FOXM1: variants seen among roughly 807,000 people sequenced by gnomAD.
FOXM1 encodes the protein forkhead box M1.
A neutral mutation model predicts 63.6 loss-of-function variants in FOXM1; 25 were observed. The observed-to-expected ratio is 0.39, with a 90% CI of 0.29 to 0.55. The LOEUF (loss-of-function observed/expected upper bound fraction) is 0.55, where lower values mean the gene tolerates loss of function less well. Among genes scored for constraint, FOXM1 ranks in the 20% least tolerant of loss-of-function variants. The pLI, the probability that FOXM1 is intolerant of heterozygous loss-of-function variation, is 0.60. For missense variants in FOXM1, 879 were observed against 958.7 expected, an observed-to-expected ratio of 0.92 and a Z score of 1.10; for synonymous variants, 387 against 376.9, an observed-to-expected ratio of 1.03 and a Z score of -0.31.
intron 8 of FOXM1, among the ~76,000 whole-genome samples, chr12:2,860,964 C>T (rs2098111358): frequency 1.3e-5 from 2 of 151,300 alleles, no homozygotes; most frequent in African/African-American, 2.4e-5. Context: ...GTCAGGAGTT[C>T]GTGACCAGCC....
intron 8 of FOXM1, among the ~76,000 whole-genome samples, chr12:2,860,325 A>AT (rs869156799): frequency 6.6e-6 from 1 of 151,696 alleles, no homozygotes; most frequent in Non-Finnish European, 1.5e-5. Context: ...CTACAAAAAA[A>AT]TTTTTTTTAA....
intron 3 of FOXM1, among the ~76,000 whole-genome samples, chr12:2,870,912 C>T (rs116528697): frequency 0.017 from 2,352 of 138,492 alleles, 55 homozygotes; most frequent in African/African-American, 0.06. Flanking sequence ...GAGCTGAAAT[C>T]GCAGCACTGC....
intron 8 of FOXM1, chr12:2,861,150 A>G (rs2098111847): frequency 4.7e-5 from 23 of 484,572 alleles, no homozygotes; most frequent in South Asian, 4.4e-4. Flanking sequence ...CCTGGGTGAC[A>G]GAGCAAGACT....
At position 2,859,682 on chromosome 12, in the gene FOXM1, T is replaced by G. The variant is rs1161692233; in HGVS notation, c.1267-19A>C. Reference sequence around the variant, plus strand: ...GCAGCACCTGAAAGGGAAACAGAGATAAGGTGAACCAACGGTCACCAGACA... The same window carrying G: ...GCAGCACCTGAAAGGGAAACAGAGAGAAGGTGAACCAACGGTCACCAGACA... On this transcript the variant is annotated intron_variant, in intron 8 of 8. Coordinates refer to ENST00000359843, the MANE Select transcript of FOXM1 (RefSeq NM_021953.4). 3 of 1,581,342 alleles carry G rather than the reference T, an allele frequency of 1.9e-6. No individual in the cohort carries two copies. Among genetic ancestry groups the G allele is most frequent in the Middle Eastern group, 3.6e-4 (2 of 5,578 alleles).
rs548540419 is a variant in FOXM1 at position 2,858,618 on chromosome 12, A to T, written c.*20T>A. On this transcript the variant is annotated 3_prime_UTR_variant, in exon 9 of 9. Transcript: ENST00000359843. ...GCCCGGGATGGTGGACAGCTTGAGCACAGGGGCAAGGGCAGGGCTCTACTG... is the reference window on the plus strand; with the variant it reads ...GCCCGGGATGGTGGACAGCTTGAGCTCAGGGGCAAGGGCAGGGCTCTACTG... 3.1e-6 allele frequency: 5 copies of T among 1,604,466 alleles called. No individual in the cohort carries two copies. In the African/African-American group the frequency reaches 6.7e-5, roughly 21 times the overall value.
Position 2,859,079 on chromosome 12 carries a change from G to A in FOXM1, c.1851C>T (p.Leu617=). The A allele has an allele frequency of 6.2e-7, 1 of 1,608,090 alleles. No homozygotes were observed. Among genetic ancestry groups the A allele is most frequent in the Non-Finnish European group, 8.5e-7 (1 of 1,177,584 alleles). ...GCCTCCAGGATTCAGGGGTTCTGGG[G>A]AGGACAGATTTGCTCGGGGTGGAGG... is the stretch of plus-strand genomic sequence containing the variant. ...PISSTPSKSV[L]PRTPESWRLT... is the part of the protein sequence containing the mutation. Residue 617 remains leucine, a synonymous_variant, in exon 9 of 9, where the codon CTC becomes CTT. Transcript: ENST00000359843.
At position 2,865,460 on chromosome 12, in the gene FOXM1, T is replaced by A. The variant is rs1220153952; in HGVS notation, c.976-61A>T. On this transcript the variant is annotated intron_variant, in intron 5 of 8. Coordinates refer to ENST00000359843, the MANE Select transcript of FOXM1 (RefSeq NM_021953.4). ...ATGAAGTTACCACCAACGTGGTCAA[T>A]TTGACCGGATTGGGAAAAACACTTA... 5 of 1,397,286 alleles carry A rather than the reference T, an allele frequency of 3.6e-6. No individual in the cohort carries two copies. In the African/African-American group the frequency reaches 4.3e-5, roughly 12 times the overall value. 86.6% of individuals were successfully genotyped at this position (1,397,286 alleles called of 1,614,324 possible).
chr12:2,858,820 A>C lies in FOXM1; in HGVS notation c.2110T>G (p.Ser704Ala), dbSNP rs781663757. 2 of 1,614,106 alleles carry C rather than the reference A, an allele frequency of 1.2e-6. No individual in the cohort carries two copies. Among genetic ancestry groups the C allele is most frequent in the Non-Finnish European group, 1.7e-6 (2 of 1,180,018 alleles). ...AGGCCAGAAACCTGTGGCTCCGGGG[A>C]GCCTGGCTTGGGGACGTCTATATCT... ...PSDIDVPKPG[S>A]PEPQVSGLAA... The change falls in exon 9 of 9, where the codon TCC (serine) becomes GCC (alanine). Residue 704 changes from serine to alanine, a missense_variant. Physicochemically the swap from Ser to Ala is moderately conservative, Grantham distance 99. Around this residue, in one of 4 missense-constraint regions of FOXM1, gnomAD observed 486 missense variants for 453.5 expected, o/e 1.07. Transcript: ENST00000359843.
In FOXM1 at chr12:2,857,820, C is replaced by A. The variant is rs1447775771; in HGVS notation, c.*818G>T. 2.0e-5 allele frequency: 3 copies of A among 152,360 alleles called. No individual in the cohort carries two copies. The highest frequency in any genetic ancestry group is 7.2e-5 in the African/African-American group (3 of 41,444). 9.4% of individuals were successfully genotyped at this position (152,360 alleles called of 1,614,324 possible). A position where few individuals can be genotyped will look rare whatever the true frequency, so the allele number is the denominator to read the frequency against. On this transcript the variant is annotated 3_prime_UTR_variant, in exon 9 of 9. Transcript: ENST00000359843. ...CCAGGCAGGTCAGGGGCCCTTTCGG[C>A]CTTCTCAAGCCTCCACCTGAGTTCT...
At chr12:2,873,154 T>C (rs1050242276) in intron 2 of FOXM1, among the ~76,000 whole-genome samples, 15 of 150,666 alleles carry the variant, frequency 1.0e-4, no homozygotes, top group African/African-American at 2.7e-4. Flanking sequence ...TCCCAGCACT[T>C]TGGGAGGCCG....
chr12:2,859,208 C>T lies in FOXM1; in HGVS notation c.1722G>A (p.Glu574=). ...CAGAGGAGTCTGCTGGGAACGGGAG[C>T]TCTGCGGCCCAGCGGGAAGTACTGG... The part of the protein sequence containing the change: ...EGPSTSRWAA[E]LPFPADSSDP... The change falls in exon 9 of 9, where the codon GAG becomes GAA. Residue 574 remains glutamate, a synonymous_variant. Transcript: ENST00000359843. 1.9e-6 allele frequency: 3 copies of T among 1,612,118 alleles called. No homozygotes were observed. Among genetic ancestry groups the T allele is most frequent in the Non-Finnish European group, 2.5e-6 (3 of 1,178,932 alleles).
At chr12:2,875,015 C>CA (rs1434439786) in intron 1 of FOXM1, among the ~76,000 whole-genome samples, 1 of 123,338 alleles carries the variant, frequency 8.1e-6, no homozygotes, top group African/African-American at 3.2e-5. Context: ...TTTTTTGAGA[C>CA]AGAGTCTCAC....
At chr12:2,869,321 G>A (rs1184933872) in intron 3 of FOXM1, among the ~76,000 whole-genome samples, 1 of 152,080 alleles carries the variant, frequency 6.6e-6, no homozygotes, top group Non-Finnish European at 1.5e-5. Context: ...CCAGGATAGC[G>A]TGCAGTGGCT....
chr12:2,863,478 T>A (rs2098117666), intron 8 of FOXM1, among the ~76,000 whole-genome samples: 1 of 151,374 alleles, frequency 6.6e-6, no homozygotes, highest in African/African-American at 2.4e-5. Flanking sequence ...AGCCTCAACC[T>A]CCTGGACTCA....
At chr12:2,861,938 T>G (rs889536619) in intron 8 of FOXM1, among the ~76,000 whole-genome samples, 11 of 152,020 alleles carry the variant, frequency 7.2e-5, no homozygotes, top group African/African-American at 2.7e-4. Flanking sequence ...CTCAACACTT[T>G]GGGAGGCCAA....
At chr12:2,862,267 T>G (rs2098115241) in intron 8 of FOXM1, among the ~76,000 whole-genome samples, 1 of 151,546 alleles carries the variant, frequency 6.6e-6, no homozygotes, top group South Asian at 2.1e-4. Context: ...TGTGTACATA[T>G]AAAATGGCTA....
Position 2,868,624 on chromosome 12 carries a change from A to G in FOXM1, c.785T>C (p.Ile262Thr). ...AAAGTGGTCCTCAATCCACGTATAGATGTCTTTCAAAGTCATGCGCTTCCT... is the reference window on the plus strand; with the variant it reads ...AAAGTGGTCCTCAATCCACGTATAGGTGTCTTTCAAAGTCATGCGCTTCCT... Reference protein sequence around the residue: ...TERKRMTLKDIYTWIEDHFPY... With the variant: ...TERKRMTLKDTYTWIEDHFPY... Residue 262 changes from isoleucine (I) to threonine (T), a missense_variant, in exon 4 of 9, where the codon ATC becomes ACC. Ile to Thr is a moderately conservative substitution (Grantham distance 89, BLOSUM62 -1). Transcript: ENST00000359843. 6.2e-7 allele frequency: 1 copy of G among 1,613,988 alleles called. No individual in the cohort carries two copies. The highest frequency in any genetic ancestry group is 8.5e-7 in the Non-Finnish European group (1 of 1,179,980).
chr12:2,875,433 A>G (rs1008007508), intron 1 of FOXM1, among the ~76,000 whole-genome samples: 1 of 152,236 alleles, frequency 6.6e-6, no homozygotes, highest in Non-Finnish European at 1.5e-5. Context: ...GGAAACCTCT[A>G]CTGAAGGCCC....
In FOXM1 at chr12:2,864,674, C is replaced by T. The variant is rs1220215255; in HGVS notation, c.1090+9G>A. ...GGACCAGGCCCAAGGCCCACTCTCCCATACTAACGTGCGCCCAGGGGGAGT... is the reference window on the plus strand; with the variant it reads ...GGACCAGGCCCAAGGCCCACTCTCCTATACTAACGTGCGCCCAGGGGGAGT... On this transcript the variant is annotated intron_variant, in intron 7 of 8. Coordinates refer to ENST00000359843, the MANE Select transcript of FOXM1 (RefSeq NM_021953.4). This position sits in a 1 kb window ranked among gnomAD's most constrained non-coding sequence, Gnocchi z 5.1. 4 of 1,613,860 alleles carry T rather than the reference C, an allele frequency of 2.5e-6. No homozygotes were observed. Among genetic ancestry groups the T allele is most frequent in the Middle Eastern group, 1.6e-4 (1 of 6,078 alleles).
Sources: gnomAD v4.1 joint callset for allele counts (sites outside exome capture counted in the v4.1 genomes callset) on GRCh38, gnomAD v4.1.1 for gene constraint, gnomAD v4.1.1 regional missense constraint, Gnocchi (gnomAD v3.1) non-coding constraint, MANE v1.5 for transcripts, NCBI Gene and HGNC (gene_info 2026-07-23, HGNC 2026-07-21) for gene names.